Variants in GPHN observed in about 807,000 individuals in gnomAD.
GPHN encodes gephyrin.
Under a neutral mutation model 95.5 loss-of-function variants are expected in GPHN, and 17 were observed. The observed-to-expected ratio is 0.18, with a 90% confidence interval of 0.12 to 0.27. The LOEUF is 0.27. Among genes scored for constraint, GPHN ranks in the 10% least tolerant of loss-of-function variants. The pLI, the probability that GPHN is intolerant of heterozygous loss-of-function variation, is 1.00. For missense variants in GPHN, 660 were observed against 978.1 expected, an observed-to-expected ratio of 0.67 and a Z score of 4.34; for synonymous variants, 320 against 322.5, an observed-to-expected ratio of 0.99 and a Z score of 0.08.
chr14:66,766,257 G>C (rs76036376), intron 2 of GPHN, among the ~76,000 whole-genome samples: 2,288 of 152,240 alleles, frequency 0.015, 23 homozygotes, highest in Non-Finnish European at 0.021. Context: ...AACAGAATTT[G>C]AGTGTCTGAA....
chr14:67,708,869 G>A, the GPHN span, among the ~76,000 whole-genome samples: 13 of 149,040 alleles, frequency 8.7e-5, no homozygotes, highest in African/African-American at 3.0e-4. Flanking sequence ...CTTGGCTCAC[G>A]GCAACCTCTG....
At chr14:67,044,172 A>G (rs2074866919) in intron 10 of GPHN, among the ~76,000 whole-genome samples, 1 of 152,068 alleles carries the variant, frequency 6.6e-6, no homozygotes, top group Non-Finnish European at 1.5e-5. Context: ...CCCCGTCTCT[A>G]CTAAAAATAC....
the GPHN span, among the ~76,000 whole-genome samples, chr14:67,245,783 G>A: frequency 6.6e-6 from 1 of 152,094 alleles, no homozygotes; most frequent in Non-Finnish European, 1.5e-5. Flanking sequence ...TTTTGAGAAA[G>A]TCCAAATTAT....
At chr14:66,889,419 G>T (rs774462611) in intron 5 of GPHN, among the ~76,000 whole-genome samples, 1 of 152,072 alleles carries the variant, frequency 6.6e-6, no homozygotes, top group Non-Finnish European at 1.5e-5. Context: ...ATTCTTCAAA[G>T]CATATTCTCC....
chr14:66,832,300 A>G (rs2061609416), intron 4 of GPHN, among the ~76,000 whole-genome samples: 1 of 152,334 alleles, frequency 6.6e-6, no homozygotes, highest in Admixed American at 6.5e-5. Context: ...AGGATCTAAC[A>G]TAATGCCTGT....
intron 8 of GPHN, among the ~76,000 whole-genome samples, chr14:66,958,691 T>G (rs1015095987): frequency 6.6e-6 from 1 of 152,166 alleles, no homozygotes; most frequent in Non-Finnish European, 1.5e-5. Context: ...AAATATAGTA[T>G]TATAATATTA....
chr14:67,099,200 C>T (rs1364902621), intron 12 of GPHN, among the ~76,000 whole-genome samples: 1 of 151,662 alleles, frequency 6.6e-6, no homozygotes, highest in Non-Finnish European at 1.5e-5. Flanking sequence ...ACCCCCGCCT[C>T]GCAGGTTCAA....
At chr14:67,559,656 A>G in the GPHN span, 1 of 1,606,942 alleles carries the variant, frequency 6.2e-7, no homozygotes, top group Non-Finnish European at 8.5e-7. Flanking sequence ...AAAAGCTGCA[A>G]AGATCAAGGA....
intron 1 of GPHN, among the ~76,000 whole-genome samples, chr14:66,608,963 G>A (rs1030218385): frequency 2.6e-5 from 4 of 151,966 alleles, no homozygotes; most frequent in African/African-American, 9.7e-5. Flanking sequence ...CTTTTAAGTG[G>A]GTCTTTATTC....
chr14:66,740,935 G>A lies in GPHN; in HGVS notation c.144-35529G>A, dbSNP rs528255601. Among the ~76,000 whole-genome samples the A allele has an allele frequency of 1.1e-4, 17 of 152,274 alleles. No individual in the cohort carries two copies. In the South Asian group the frequency reaches 2.5e-3, roughly 22 times the overall value. On this transcript the variant is annotated intron_variant, in intron 2 of 22. Coordinates refer to ENST00000478722, the MANE Select transcript of GPHN (RefSeq NM_020806.5). ...TTATTTCTTACAGTTCTGGAAAGCC[G>A]GGAAGTCCAGTATCAAGGTGCTAGC...
At chr14:67,287,170 G>GTTC in the GPHN span, among the ~76,000 whole-genome samples, 40 of 152,200 alleles carry the variant, frequency 2.6e-4, no homozygotes, top group Admixed American at 1.6e-3. Flanking sequence ...AGTGAGCCAT[G>GTTC]TTCACACCAC....
intron 1 of GPHN, among the ~76,000 whole-genome samples, chr14:66,567,916 G>C (rs1014844584): frequency 6.6e-6 from 1 of 152,170 alleles, no homozygotes; most frequent in African/African-American, 2.4e-5. Flanking sequence ...ACGAGCTCAA[G>C]TTAGTGTAGC....
intron 8 of GPHN, 88 bp from the exon 9 acceptor site, chr14:66,965,103 G>A: frequency 1.8e-6 from 2 of 1,091,784 alleles, no homozygotes; most frequent in Non-Finnish European, 2.8e-6. Context: ...GAGCTGAGCA[G>A]CAAAGAATGC....
chr14:67,511,935 G>A, the GPHN span, among the ~76,000 whole-genome samples: 7 of 152,172 alleles, frequency 4.6e-5, no homozygotes, highest in South Asian at 2.1e-4. Flanking sequence ...TGTGTGTGTC[G>A]GGGTGAAAAC....
At chr14:67,647,243 T>C in the GPHN span, 1 of 443,374 alleles carries the variant, frequency 2.3e-6, no homozygotes, top group East Asian at 3.6e-5. Context: ...ATCTTCTGTC[T>C]CATGAATTTT....
intron 12 of GPHN, among the ~76,000 whole-genome samples, chr14:67,099,311 G>A (rs561287914): frequency 2.6e-5 from 4 of 151,926 alleles, no homozygotes; most frequent in South Asian, 2.1e-4. Flanking sequence ...TAGTAGAGAC[G>A]AGGTTTCTCC....
intron 5 of GPHN, among the ~76,000 whole-genome samples, chr14:66,903,006 G>T (rs1322541715): frequency 6.6e-6 from 1 of 152,034 alleles, no homozygotes; most frequent in Non-Finnish European, 1.5e-5. Flanking sequence ...TAGAAGAAAT[G>T]GATAAATTCC....
chr14:66,941,096 G>C (rs2067402809), intron 8 of GPHN, among the ~76,000 whole-genome samples: 2 of 151,490 alleles, frequency 1.3e-5, no homozygotes, highest in African/African-American at 2.4e-5. Context: ...TACATCACCT[G>C]TCCCTTTTGT....
the GPHN span, among the ~76,000 whole-genome samples, chr14:67,511,350 A>G: frequency 6.0e-5 from 5 of 83,720 alleles, no homozygotes; most frequent in Non-Finnish European, 1.8e-4. Flanking sequence ...CTTATTTAAA[A>G]AAACAAAAAA....
Sources: gnomAD v4.1 joint callset for allele counts (sites outside exome capture counted in the v4.1 genomes callset) on GRCh38, gnomAD v4.1.1 for gene constraint, MANE v1.5 for transcripts, NCBI Gene and HGNC (gene_info 2026-07-23, HGNC 2026-07-21) for gene names.